The following GRIN2A variants were observed in gnomAD, a reference collection of about 807,000 sequenced individuals.
The protein encoded by GRIN2A is glutamate ionotropic receptor NMDA type subunit 2A.
GRIN2A carries 22 observed loss-of-function variants against 113.4 expected under a neutral mutation model. That is an observed-to-expected ratio of 0.19 (90% CI 0.14 to 0.28). The LOEUF is 0.28. Among genes scored for constraint, GRIN2A ranks in the 10% least tolerant of loss-of-function variants. GRIN2A has a pLI of 1.00. For synonymous variants in GRIN2A, 827 were observed against 738.4 expected (o/e 1.12, Z -1.94); for missense variants, 1,502 against 1,887.0 (o/e 0.80, Z 3.78).
intron 11 of GRIN2A, among the ~76,000 whole-genome samples, chr16:9,769,667 T>C (rs1488384105): frequency 6.6e-6 from 1 of 152,034 alleles, no homozygotes; most frequent in Non-Finnish European, 1.5e-5. Context: ...GGCATAATAA[T>C]AGAACATACT....
At chr16:9,912,973 T>C (rs1336722657) in intron 3 of GRIN2A, among the ~76,000 whole-genome samples, 1 of 152,190 alleles carries the variant, frequency 6.6e-6, no homozygotes, top group Non-Finnish European at 1.5e-5. Context: ...ACAGAACTGC[T>C]CCCTCTGCCC....
chr16:10,113,246 C>T lies in GRIN2A; in HGVS notation c.414+66752G>A, dbSNP rs2048658186. Among the ~76,000 whole-genome samples the T allele has an allele frequency of 3.9e-5, 6 of 152,318 alleles. No individual in the cohort carries two copies. The Middle Eastern group carries it at 0.014, about 345-fold the overall frequency. On this transcript the variant is annotated intron_variant, in intron 2 of 12. Transcript: ENST00000330684. The stretch of plus-strand genomic sequence containing the variant: ...GTAGGGTACCTCCCTGCCCCCAGCC[C>T]CCCCAGGAAATGGTGCTTTCCTGGC...
chr16:9,795,759 G>A (rs542704231), intron 11 of GRIN2A, among the ~76,000 whole-genome samples: 4 of 152,142 alleles, frequency 2.6e-5, no homozygotes, highest in African/African-American at 9.7e-5. Flanking sequence ...TGAATAAACC[G>A]AGGCTAAAAA....
At chr16:9,933,297 C>A (rs899697275) in intron 3 of GRIN2A, among the ~76,000 whole-genome samples, 1 of 152,066 alleles carries the variant, frequency 6.6e-6, no homozygotes, top group Non-Finnish European at 1.5e-5. Flanking sequence ...CAAGCAGCCC[C>A]TGGTACCACG....
intron 11 of GRIN2A, among the ~76,000 whole-genome samples, chr16:9,788,740 CTTT>C (rs748774026): frequency 9.5e-6 from 1 of 104,864 alleles, no homozygotes; most frequent in Non-Finnish European, 1.9e-5. Flanking sequence ...TTTAAGTCTT[CTTT>C]TTTTTTTTTT....
chr16:9,772,144 A>C (rs1901311549), intron 11 of GRIN2A, among the ~76,000 whole-genome samples: 1 of 152,130 alleles, frequency 6.6e-6, no homozygotes, highest in Non-Finnish European at 1.5e-5. Context: ...ATCTTGATTC[A>C]ATTCCTTTTC....
intron 2 of GRIN2A, among the ~76,000 whole-genome samples, chr16:10,054,681 A>G (rs2047414973): frequency 6.6e-6 from 1 of 152,238 alleles, no homozygotes; most frequent in South Asian, 2.1e-4. Context: ...TAAAATATAA[A>G]TAGTTAAAAT....
chr16:9,977,775 T>C (rs1248244821), intron 2 of GRIN2A, among the ~76,000 whole-genome samples: 2 of 152,146 alleles, frequency 1.3e-5, no homozygotes, highest in African/African-American at 4.8e-5. Context: ...ACACTTCAAT[T>C]CGGTCGGCTT....
intron 2 of GRIN2A, among the ~76,000 whole-genome samples, chr16:10,049,846 A>G (rs1344757609): frequency 6.6e-6 from 1 of 152,238 alleles, no homozygotes; most frequent in Non-Finnish European, 1.5e-5. Context: ...AGCAGTGCCC[A>G]GCTCATAGGA....
At chr16:9,879,066 T>G (rs528781695) in intron 4 of GRIN2A, among the ~76,000 whole-genome samples, 1 of 152,338 alleles carries the variant, frequency 6.6e-6, no homozygotes, top group South Asian at 2.1e-4. Context: ...TTTATTTATA[T>G]TCACCTTTGC....
chr16:10,065,996 A>G (rs919888075), intron 2 of GRIN2A, among the ~76,000 whole-genome samples: 3 of 152,196 alleles, frequency 2.0e-5, no homozygotes, highest in African/African-American at 7.2e-5. Flanking sequence ...GCTTTCGGAA[A>G]TGGATTTAGA....
At chr16:10,086,893 C>T (rs1174004417) in intron 2 of GRIN2A, among the ~76,000 whole-genome samples, 1 of 152,140 alleles carries the variant, frequency 6.6e-6, no homozygotes, top group Non-Finnish European at 1.5e-5. Flanking sequence ...GCTGGATGAT[C>T]CAGAATGAGC....
rs375520415 is a variant in GRIN2A, at chr16:9,803,887, A to C, written c.2169-5423T>G. Reference sequence around the variant, plus strand: ...AAATGGAGGCAGCTCTATTACTTAGAAAATTCAGATGGGGGGTTTTAGCTA... The same window carrying C: ...AAATGGAGGCAGCTCTATTACTTAGCAAATTCAGATGGGGGGTTTTAGCTA... On this transcript the variant is annotated intron_variant, in intron 10 of 12. Coordinates refer to ENST00000330684, the MANE Select transcript of GRIN2A (RefSeq NM_001134407.3). 4.6e-5 allele frequency among the ~76,000 whole-genome samples: 7 copies of C among 152,208 alleles called. No homozygotes were observed. The South Asian group carries it at 6.2e-4, about 14-fold the overall frequency.
rs1403664181 is a variant in GRIN2A, at chr16:9,946,374, G to T, written c.415-7823C>A. Among the ~76,000 whole-genome samples, 4 of 152,130 alleles carry T rather than the reference G, an allele frequency of 2.6e-5. No homozygotes were observed. In the East Asian group the frequency reaches 7.7e-4, roughly 29 times the overall value. On this transcript the variant is annotated intron_variant, in intron 2 of 12. Transcript: ENST00000330684. ...AATCCTACTGGACCAGAGACCATGGGGTTGGGTCTCTGAGGAGCTGATAAA... is the reference window on the plus strand; with the variant it reads ...AATCCTACTGGACCAGAGACCATGGTGTTGGGTCTCTGAGGAGCTGATAAA...
intron 2 of GRIN2A, among the ~76,000 whole-genome samples, chr16:9,984,316 G>C (rs1311964185): frequency 1.3e-5 from 2 of 151,592 alleles, no homozygotes; most frequent in African/African-American, 4.9e-5. Context: ...CTCTCATTCT[G>C]CAGGTTGTCT....
At chr16:10,079,542 G>C (rs1014692750) in intron 2 of GRIN2A, among the ~76,000 whole-genome samples, 1 of 152,160 alleles carries the variant, frequency 6.6e-6, no homozygotes, top group South Asian at 2.1e-4. Flanking sequence ...TGAGGGCCAA[G>C]CCCTCATAAA....
chr16:10,003,079 T>C (rs1244735282), intron 2 of GRIN2A, among the ~76,000 whole-genome samples: 1 of 152,228 alleles, frequency 6.6e-6, no homozygotes, highest in African/African-American at 2.4e-5. Context: ...AACTAGCTCT[T>C]GATGCATGGG....
intron 11 of GRIN2A, among the ~76,000 whole-genome samples, chr16:9,774,170 A>G (rs1460482643): frequency 6.6e-6 from 1 of 152,140 alleles, no homozygotes; most frequent in Non-Finnish European, 1.5e-5. Flanking sequence ...TTCTCCCATT[A>G]CCCATCCACC....
chr16:9,867,922 G>A (rs542015769), intron 4 of GRIN2A, among the ~76,000 whole-genome samples: 21 of 151,752 alleles, frequency 1.4e-4, no homozygotes, highest in South Asian at 2.1e-4. Context: ...TACTGCCTCC[G>A]AGAAACCTCA....
Sources: allele counts gnomAD v4.1 joint callset (sites outside exome capture counted in the v4.1 genomes callset), GRCh38; gene constraint gnomAD v4.1.1; transcripts MANE v1.5; gene names NCBI Gene and HGNC (gene_info 2026-07-23, HGNC 2026-07-21).